ESRRG: variants seen among roughly 807,000 people sequenced by gnomAD.
ESRRG encodes the protein estrogen-related receptor gamma.
ESRRG carries 13 observed loss-of-function variants against 44.0 expected under a neutral mutation model. The observed-to-expected ratio is 0.30, with a 90% CI of 0.19 to 0.47. The LOEUF is 0.47. ESRRG is among the 20% of genes least tolerant of loss of function. The probability of loss-of-function intolerance (pLI) is 1.00; values close to 1 mark genes in which losing one functional copy is unlikely to be tolerated. For synonymous variants in ESRRG, 215 were observed against 214.6 expected (o/e 1.00, Z -0.02); for missense variants, 395 against 580.6 (o/e 0.68, Z 3.29).
At chr1:217,036,794 A>T (rs2151082362) in intron 1 of ESRRG, among the ~76,000 whole-genome samples, 1 of 151,948 alleles carries the variant, frequency 6.6e-6, no homozygotes, top group South Asian at 2.1e-4. Flanking sequence ...ACAAACTTGT[A>T]CTTGTACCCC....
At chr1:217,042,329 T>A (rs185363846) in intron 1 of ESRRG, among the ~76,000 whole-genome samples, 1 of 152,236 alleles carries the variant, frequency 6.6e-6, no homozygotes, top group Non-Finnish European at 1.5e-5. Context: ...TTGTCCCAAA[T>A]AACAACTGAC....
chr1:216,584,424 T>A (rs1056046322), intron 3 of ESRRG, among the ~76,000 whole-genome samples: 1 of 151,862 alleles, frequency 6.6e-6, no homozygotes, highest in African/African-American at 2.4e-5. Flanking sequence ...ACCTGGCTAA[T>A]TTTTTGTATT....
intron 3 of ESRRG, among the ~76,000 whole-genome samples, chr1:216,643,635 T>A (rs568163557): frequency 5.9e-5 from 9 of 152,136 alleles, no homozygotes; most frequent in Non-Finnish European, 1.2e-4. Flanking sequence ...TAACTCACAA[T>A]CAGTCCAATA....
At chr1:217,035,916 C>A (rs2082801417) in intron 1 of ESRRG, among the ~76,000 whole-genome samples, 1 of 152,100 alleles carries the variant, frequency 6.6e-6, no homozygotes, top group African/African-American at 2.4e-5. Context: ...ATGCATTCAA[C>A]AAAGGTCTAA....
intron 2 of ESRRG, among the ~76,000 whole-genome samples, chr1:216,831,434 T>C (rs989546037): frequency 6.8e-6 from 1 of 147,062 alleles, no homozygotes; most frequent in East Asian, 2.1e-4. Flanking sequence ...GACAGAGCTC[T>C]GAGGAAAACA....
chr1:216,840,718 T>C (rs2095639316), intron 2 of ESRRG, among the ~76,000 whole-genome samples: 1 of 152,030 alleles, frequency 6.6e-6, no homozygotes, highest in Admixed American at 6.6e-5. Context: ...TTTTGATAGG[T>C]TGTGTCTGGG....
chr1:216,762,833 C>T (rs1186755928), intron 2 of ESRRG, among the ~76,000 whole-genome samples: 14 of 151,898 alleles, frequency 9.2e-5, no homozygotes. Context: ...AAAACACTTC[C>T]CCAAAGGAAA....
chr1:216,747,902 G>A (rs1385148536), intron 2 of ESRRG, among the ~76,000 whole-genome samples: 1 of 152,120 alleles, frequency 6.6e-6, no homozygotes, highest in African/African-American at 2.4e-5. Flanking sequence ...TGCCTATAAT[G>A]TTGCTTATTC....
chr1:216,773,687 A>T lies in ESRRG; in HGVS notation c.-13-96196T>A, dbSNP rs939337271. 2.0e-5 allele frequency among the ~76,000 whole-genome samples: 3 copies of T among 152,234 alleles called. No individual in the cohort carries two copies. The East Asian group carries it at 5.8e-4, about 29-fold the overall frequency. On this transcript the variant is annotated intron_variant, in intron 2 of 7. Transcript: ENST00000359162. ...AAAGGATAGAGCTATCTTTTATATA[A>T]GGGAAAATAGTCAGACTTGGATCTT...
At chr1:216,836,553 G>C (rs771358253) in intron 2 of ESRRG, among the ~76,000 whole-genome samples, 3 of 152,222 alleles carry the variant, frequency 2.0e-5, no homozygotes, top group Middle Eastern at 3.4e-3. Context: ...TAGGATGACC[G>C]GGGAAGCGCC....
intron 2 of ESRRG, among the ~76,000 whole-genome samples, chr1:216,809,760 C>T (rs1304302234): frequency 2.0e-5 from 3 of 152,030 alleles, no homozygotes; most frequent in African/African-American, 4.8e-5. Context: ...TTACTGCAGA[C>T]GTAAGGGTAG....
At chr1:216,727,085 C>T (rs966017198), upstream of ESRRG, among the ~76,000 whole-genome samples, 21 of 152,234 alleles carry the variant, frequency 1.4e-4, no homozygotes, top group Middle Eastern at 3.4e-3. Context: ...ACAGGACTAA[C>T]CTTCATTAAA....
At chr1:216,622,291 G>T (rs1041862926) in intron 3 of ESRRG, among the ~76,000 whole-genome samples, 1 of 152,158 alleles carries the variant, frequency 6.6e-6, no homozygotes, top group Non-Finnish European at 1.5e-5. Context: ...AAGAACAGTA[G>T]AAATTTCACT....
chr1:216,726,019 CATT>C (rs1327100227), upstream of ESRRG, among the ~76,000 whole-genome samples: 1 of 152,144 alleles, frequency 6.6e-6, no homozygotes, highest in East Asian at 1.9e-4. Context: ...TATTTGCCCT[CATT>C]ATGATCCATT....
intron 2 of ESRRG, among the ~76,000 whole-genome samples, chr1:216,767,926 T>G (rs1298179734): frequency 6.6e-6 from 1 of 152,138 alleles, no homozygotes; most frequent in African/African-American, 2.4e-5. Flanking sequence ...ATAGCTGAGA[T>G]TATTAACTAA....
intron 2 of ESRRG, among the ~76,000 whole-genome samples, chr1:216,814,118 G>GAA (rs111316687): frequency 0.072 from 10,390 of 143,802 alleles, 491 homozygotes; most frequent in Middle Eastern, 0.14. Context: ...CTTGGTCATG[G>GAA]GAAAAAAAAA....
At chr1:217,112,410 G>T (rs2092671315) in intron 1 of ESRRG, among the ~76,000 whole-genome samples, 1 of 152,128 alleles carries the variant, frequency 6.6e-6, no homozygotes, top group Non-Finnish European at 1.5e-5. Context: ...GAAAGAGAGA[G>T]GGAACTATAT....
chr1:216,952,726 T>C (rs2067187526), intron 1 of ESRRG, among the ~76,000 whole-genome samples: 1 of 152,162 alleles, frequency 6.6e-6, no homozygotes, highest in Non-Finnish European at 1.5e-5. Flanking sequence ...TTTCTTAGTA[T>C]GTCTAGAATC....
At chr1:216,640,814 T>C (rs1279660926) in intron 3 of ESRRG, among the ~76,000 whole-genome samples, 1 of 152,108 alleles carries the variant, frequency 6.6e-6, no homozygotes, top group Non-Finnish European at 1.5e-5. Context: ...GATATACGTA[T>C]GCGTTGGTGA....
Sources: allele counts gnomAD v4.1 joint callset (sites outside exome capture counted in the v4.1 genomes callset), GRCh38; gene constraint gnomAD v4.1.1; transcripts MANE v1.5; gene names NCBI Gene and HGNC (gene_info 2026-07-23, HGNC 2026-07-21).